SLC75A1: variants seen among roughly 807,000 people sequenced by gnomAD.
SLC75A1 encodes the protein solute carrier family 75 member 1.
chr4:2,932,540 A>C, the SLC75A1 span: 1 of 1,612,860 alleles, frequency 6.2e-7, no homozygotes, highest in African/African-American at 1.3e-5. Flanking sequence ...CGAGCTGCAC[A>C]GGGAGACCCA....
Sources: gnomAD v4.1 joint callset for allele counts on GRCh38, gnomAD v4.1.1 for gene constraint, MANE v1.5 for transcripts, NCBI Gene and HGNC (gene_info 2026-07-23, HGNC 2026-07-21) for gene names.